Variants in DCAF5 observed in about 807,000 individuals in gnomAD.
DCAF5 encodes DDB1- and CUL4-associated factor 5.
In DCAF5, 9 loss-of-function variants were observed where a neutral mutation model predicts 80.7. The observed-to-expected ratio is 0.11, with a 90% CI of 0.07 to 0.19. The LOEUF (loss-of-function observed/expected upper bound fraction) is 0.19, where lower values mean the gene tolerates loss of function less well. DCAF5 is among the 10% of genes least tolerant of loss of function. The pLI is 1.00. For synonymous variants in DCAF5, 433 were observed against 461.9 expected, an observed-to-expected ratio of 0.94 and a Z score of 0.80; for missense variants, 842 against 1,205.7, an observed-to-expected ratio of 0.70 and a Z score of 4.47.
Position 69,116,406 on chromosome 14 carries a change from T to G in DCAF5, c.625A>C (p.Lys209Gln). Residue 209 changes from lysine (K) to glutamine (Q), a missense_variant, in exon 5 of 9, where the codon AAG becomes CAG. Physicochemically the swap from Lys to Gln is moderately conservative, Grantham distance 53. Coordinates refer to ENST00000341516, the MANE Select transcript of DCAF5 (RefSeq NM_003861.3). ...EPRLLATANS[K>Q]EGVGLWDIRK... ...ATGTCCCAGAGTCCCACTCCTTCCT[T>G]TGAATTGGCTGTGGCCAACAACCTG... 1 of 1,613,518 alleles carries G rather than the reference T, an allele frequency of 6.2e-7. No homozygotes were observed. The highest frequency in any genetic ancestry group is 8.5e-7 in the Non-Finnish European group (1 of 1,179,574).
intron 1 of DCAF5, among the ~76,000 whole-genome samples, chr14:69,127,893 C>A (rs1055768455): frequency 6.6e-6 from 1 of 152,134 alleles, no homozygotes; most frequent in African/African-American, 2.4e-5. Flanking sequence ...TTTAACAAAT[C>A]ATCAACATTT....
intron 7 of DCAF5, among the ~76,000 whole-genome samples, chr14:69,072,171 A>G (rs2139887901): frequency 6.6e-6 from 1 of 152,348 alleles, no homozygotes; most frequent in Non-Finnish European, 1.5e-5. Context: ...GAGAATGAAG[A>G]TTCCTCTTTT....
intron 7 of DCAF5, among the ~76,000 whole-genome samples, chr14:69,074,965 C>T (rs1365194085): frequency 6.6e-6 from 1 of 150,954 alleles, no homozygotes; most frequent in Non-Finnish European, 1.5e-5. Context: ...ACCCGGGAGG[C>T]AGAGGTTGCA....
chr14:69,146,027 G>A (rs1301576569), intron 1 of DCAF5, among the ~76,000 whole-genome samples: 1 of 152,162 alleles, frequency 6.6e-6, no homozygotes, highest in East Asian at 1.9e-4. Flanking sequence ...AGTCAATAAA[G>A]TTTCCCTCAT....
At position 69,152,966 on chromosome 14, in the gene DCAF5, C is replaced by T; in HGVS notation, c.13G>A (p.Ala5Thr). Residue 5 changes from alanine to threonine, a missense_variant, in exon 1 of 9, where the codon GCT (alanine) becomes ACT (threonine). By Grantham distance (58) the Ala-to-Thr change is moderately conservative. Coordinates refer to ENST00000341516, the MANE Select transcript of DCAF5 (RefSeq NM_003861.3). The surrounding 1 kb of genome is among the most constrained non-coding windows in gnomAD (Gnocchi z 4.1). ...GACCTCATGCTGCCCCCCAGGCCAG[C>T]TCTCCTCTTCATGCTGGAACCGCCG... The part of the protein sequence containing the change: MKRR[A>T]GLGGSMRSVV... 2 of 1,600,886 alleles carry T rather than the reference C, an allele frequency of 1.2e-6. No homozygotes were observed. The highest frequency in any genetic ancestry group is 1.4e-5 in the African/African-American group (1 of 73,906).
At chr14:69,147,208 G>A (rs2041565201) in intron 1 of DCAF5, among the ~76,000 whole-genome samples, 1 of 152,168 alleles carries the variant, frequency 6.6e-6, no homozygotes, top group African/African-American at 2.4e-5. Context: ...GACAGTACTG[G>A]TTAAGCTTAT....
intron 1 of DCAF5, among the ~76,000 whole-genome samples, chr14:69,145,299 T>C (rs1473189415): frequency 5.3e-5 from 8 of 152,162 alleles, no homozygotes; most frequent in African/African-American, 1.7e-4. Flanking sequence ...ATTACAGGTG[T>C]GAGCTACTGC....
intron 1 of DCAF5, among the ~76,000 whole-genome samples, chr14:69,131,525 A>G (rs954173216): frequency 6.6e-6 from 1 of 152,234 alleles, no homozygotes; most frequent in East Asian, 1.9e-4. Context: ...ATAGGAATTC[A>G]ATCACTTACA....
chr14:69,070,204 A>G (rs2038630134), intron 7 of DCAF5, among the ~76,000 whole-genome samples: 1 of 152,222 alleles, frequency 6.6e-6, no homozygotes, highest in South Asian at 2.1e-4. Flanking sequence ...TGAAAACCCT[A>G]AAGCCCTTTC....
Position 69,062,428 on chromosome 14 carries a change from G to A in DCAF5, c.1030C>T (p.His344Tyr). 1.2e-6 allele frequency: 2 copies of A among 1,614,056 alleles called. No individual in the cohort carries two copies. Among genetic ancestry groups the A allele is most frequent in the Non-Finnish European group, 1.7e-6 (2 of 1,179,946 alleles). ...CCAGAAGAGCAGATCATGTAGGTGT[G>A]GGGATTAAATCGGACTTGGTTAACA... ...SIVNQVRFNP[H>Y]TYMICSSGVE... Residue 344 changes from histidine (H) to tyrosine (Y), a missense_variant, in exon 8 of 9, where the codon CAC (histidine) becomes TAC (tyrosine). Coordinates refer to ENST00000341516, the MANE Select transcript of DCAF5 (RefSeq NM_003861.3).
intron 1 of DCAF5, among the ~76,000 whole-genome samples, chr14:69,147,510 C>G (rs1373907727): frequency 6.6e-6 from 1 of 152,096 alleles, no homozygotes; most frequent in East Asian, 1.9e-4. Flanking sequence ...GGATAAGTGA[C>G]CTGTCAAAAG....
intron 1 of DCAF5, among the ~76,000 whole-genome samples, chr14:69,131,040 G>T (rs915447752): frequency 1.3e-5 from 2 of 152,110 alleles, no homozygotes; most frequent in African/African-American, 4.8e-5. Context: ...CTCTCAAATT[G>T]TCCTTGTGTC....
At chr14:69,148,520 C>T in intron 1 of DCAF5, among the ~76,000 whole-genome samples, 1 of 152,046 alleles carries the variant, frequency 6.6e-6, no homozygotes, top group African/African-American at 2.4e-5. Context: ...CATGGTGAAA[C>T]CCCGTTTCTA....
At chr14:69,086,941 G>A (rs1267482433) in intron 6 of DCAF5, among the ~76,000 whole-genome samples, 2 of 152,196 alleles carry the variant, frequency 1.3e-5, no homozygotes, top group African/African-American at 4.8e-5. Context: ...GCCTTTTCAA[G>A]AAAATCTTAT....
In DCAF5 at chr14:69,096,997, G is replaced by C. The variant is rs767622786; in HGVS notation, c.666-5110C>G. On this transcript the variant is annotated intron_variant, in intron 5 of 8. Coordinates refer to ENST00000341516, the MANE Select transcript of DCAF5 (RefSeq NM_003861.3). ...AGCAACAGTAACAGTGCAGAAGGAG[G>C]GGGTGGGAGGATATGCAGGTAAACA... 5.2e-4 allele frequency among the ~76,000 whole-genome samples: 79 copies of C among 152,128 alleles called. 1 individual carries two copies. Among genetic ancestry groups the C allele is most frequent in the Admixed American group, 2.6e-3 (40 of 15,266 alleles).
In DCAF5 at chr14:69,062,595, G is replaced by A. The variant is rs369416786; in HGVS notation, c.947-84C>T. On this transcript the variant is annotated intron_variant, in intron 7 of 8. Coordinates refer to ENST00000341516, the MANE Select transcript of DCAF5 (RefSeq NM_003861.3). Reference sequence around the variant, plus strand: ...CCAGTAATGGCAGATAAACAGCTCTGAATGGGAGCAAAGATTTTTGGATTA... The same window carrying A: ...CCAGTAATGGCAGATAAACAGCTCTAAATGGGAGCAAAGATTTTTGGATTA... 173 of 1,492,840 alleles carry A rather than the reference G, an allele frequency of 1.2e-4. No individual in the cohort carries two copies. The African/African-American group carries it at 2.2e-3, about 19-fold the overall frequency. 92.5% of individuals were successfully genotyped at this position (1,492,840 alleles called of 1,614,324 possible).
At chr14:69,148,609 T>C (rs932537920) in intron 1 of DCAF5, among the ~76,000 whole-genome samples, 1 of 151,898 alleles carries the variant, frequency 6.6e-6, no homozygotes, top group Admixed American at 6.6e-5. Flanking sequence ...GCAGGAGACT[T>C]GCTTGAACCC....
intron 5 of DCAF5, among the ~76,000 whole-genome samples, chr14:69,103,548 T>C (rs912396972): frequency 3.9e-5 from 6 of 152,222 alleles, no homozygotes; most frequent in African/African-American, 1.4e-4. Flanking sequence ...CATAGTACAA[T>C]ATCACAACCA....
chr14:69,078,860 A>G (rs2038993921), intron 6 of DCAF5, among the ~76,000 whole-genome samples: 1 of 152,146 alleles, frequency 6.6e-6, no homozygotes, highest in Non-Finnish European at 1.5e-5. Flanking sequence ...ATGTACATAT[A>G]TATTTAATGT....
Sources: gnomAD v4.1 joint callset for allele counts (sites outside exome capture counted in the v4.1 genomes callset) on GRCh38, gnomAD v4.1.1 for gene constraint, Gnocchi (gnomAD v3.1) non-coding constraint, MANE v1.5 for transcripts, NCBI Gene and HGNC (gene_info 2026-07-23, HGNC 2026-07-21) for gene names.